Variants in PAG1 observed in about 807,000 individuals in gnomAD.
The protein encoded by PAG1 is phosphoprotein associated with glycosphingolipid-enriched microdomains 1.
Under a neutral mutation model 31.7 loss-of-function variants are expected in PAG1, and 23 were observed. The observed-to-expected ratio is 0.73, with a 90% confidence interval of 0.52 to 1.03. The LOEUF (loss-of-function observed/expected upper bound fraction) is 1.03, where lower values mean the gene tolerates loss of function less well. PAG1 is among the 50% of genes least tolerant of loss of function. PAG1 has a pLI of 0.00. For synonymous variants in PAG1, 214 were observed against 210.3 expected, an observed-to-expected ratio of 1.02 and a Z score of -0.15; for missense variants, 473 against 540.7, an observed-to-expected ratio of 0.87 and a Z score of 1.24.
chr8:81,082,581 C>A (rs78395178), intron 1 of PAG1, among the ~76,000 whole-genome samples: 2,395 of 152,182 alleles, frequency 0.016, 74 homozygotes, highest in African/African-American at 0.054. Flanking sequence ...TTCCACAGGT[C>A]CTTGAGGCTC....
At chr8:81,063,803 G>C (rs879735534) in intron 2 of PAG1, among the ~76,000 whole-genome samples, 26 of 152,082 alleles carry the variant, frequency 1.7e-4, no homozygotes, top group Admixed American at 4.6e-4. Flanking sequence ...CATGGTCTTG[G>C]GTAGCCACAT....
Position 81,066,882 on chromosome 8 carries a change from TG to T in PAG1, c.-175+3229del, listed in dbSNP as rs528040328. ...CATAAGCAGTTTAAAAGTATGAGGC[TG>T]GGCATGGTGGTTCATGCCTGCAATC... On this transcript the variant is annotated intron_variant, in intron 2 of 8. Coordinates refer to ENST00000220597, the MANE Select transcript of PAG1 (RefSeq NM_018440.4). Among the ~76,000 whole-genome samples the T allele has an allele frequency of 5.3e-5, 8 of 152,288 alleles. No individual in the cohort carries two copies. The South Asian group carries it at 1.7e-3, about 32-fold the overall frequency.
At chr8:81,080,366 T>C (rs1321833081) in intron 1 of PAG1, among the ~76,000 whole-genome samples, 2 of 152,110 alleles carry the variant, frequency 1.3e-5, no homozygotes, top group Admixed American at 6.6e-5. Context: ...CTTTAAGTAG[T>C]TTATAATCAG....
intron 1 of PAG1, among the ~76,000 whole-genome samples, chr8:81,109,800 G>A (rs1357776496): frequency 1.3e-5 from 2 of 152,180 alleles, no homozygotes; most frequent in Non-Finnish European, 2.9e-5. Flanking sequence ...TACAGATGAA[G>A]ACACTGAGGC....
In PAG1 at chr8:80,985,110, T is replaced by C. The variant is rs1267582752; in HGVS notation, c.542A>G (p.Tyr181Cys). The change falls in exon 7 of 9, where the codon TAT (tyrosine) becomes TGT (cysteine). Residue 181 changes from tyrosine (Y) to cysteine (C), a missense_variant. Transcript: ENST00000220597. ...SQENMVEDCL[Y>C]ETVKEIKEVA... is the part of the protein sequence containing the mutation. ...CTCCTTGATCTCTTTCACAGTTTCA[T>C]ACAAGCAGTCCTCCACCATGTTTTC... 1 of 1,614,158 alleles carries C rather than the reference T, an allele frequency of 6.2e-7. No homozygotes were observed.
At chr8:81,089,944 T>C (rs1049230298) in intron 1 of PAG1, among the ~76,000 whole-genome samples, 3 of 152,224 alleles carry the variant, frequency 2.0e-5, no homozygotes, top group African/African-American at 7.2e-5. Context: ...GATGATCCTA[T>C]ATTGAGTCTC....
chr8:81,034,239 G>A (rs139527112), intron 2 of PAG1, among the ~76,000 whole-genome samples: 71 of 152,278 alleles, frequency 4.7e-4, no homozygotes, highest in African/African-American at 1.6e-3. Flanking sequence ...ACAGTTCAAC[G>A]TACTGAGCAT....
rs1414040142 is a variant in PAG1, at chr8:80,985,965, AC to A, written c.275-589del. 3.4e-5 allele frequency among the ~76,000 whole-genome samples: 5 copies of A among 148,894 alleles called. No individual in the cohort carries two copies. In the East Asian group the frequency reaches 7.9e-4, roughly 23 times the overall value. On this transcript the variant is annotated intron_variant, in intron 6 of 8. Coordinates refer to ENST00000220597, the MANE Select transcript of PAG1 (RefSeq NM_018440.4). ...CATTCCTACCTCAAATTAGAAAAAA[AC>A]CAAATGTGAAATTCTTGGCCAGCCA...
At chr8:81,086,510 C>T (rs868540351) in intron 1 of PAG1, among the ~76,000 whole-genome samples, 1,544 of 151,308 alleles carry the variant, frequency 0.01, 30 homozygotes, top group African/African-American at 0.036. Context: ...TGTGTGCGCG[C>T]GCGTGTGTGT....
rs1807598264 is a variant in PAG1 at position 80,993,303 on chromosome 8, G to A, written c.-76C>T. 1.4e-6 allele frequency: 2 copies of A among 1,456,032 alleles called. No individual in the cohort carries two copies. Among genetic ancestry groups the A allele is most frequent in the South Asian group, 2.6e-5 (2 of 76,166 alleles). The allele number at this position is 1,456,032 out of a possible 1,614,324, so 90.2% of individuals were successfully genotyped here. On this transcript the variant is annotated 5_prime_UTR_variant, in exon 4 of 9. Coordinates refer to ENST00000220597, the MANE Select transcript of PAG1 (RefSeq NM_018440.4). Reference sequence around the variant, plus strand: ...GGTGGTGACATGGAGGCAGAGAGCTGTGTCCTGCAAAGAGACCAGTGCGTT... The same window carrying A: ...GGTGGTGACATGGAGGCAGAGAGCTATGTCCTGCAAAGAGACCAGTGCGTT...
intron 3 of PAG1, among the ~76,000 whole-genome samples, chr8:80,996,359 A>G (rs888783731): frequency 1.3e-5 from 2 of 152,214 alleles, no homozygotes; most frequent in Non-Finnish European, 2.9e-5. Flanking sequence ...CTTACAGCAG[A>G]CGTCCTTGGT....
Position 81,107,335 on chromosome 8 carries a change from T to C in PAG1, c.-234+4256A>G, listed in dbSNP as rs535740861. On this transcript the variant is annotated intron_variant, in intron 1 of 8. Coordinates refer to ENST00000220597, the MANE Select transcript of PAG1 (RefSeq NM_018440.4). ...TCCTTCACCTGGGGACCAAGCAAGA[T>C]AGTATAGGATTCTTCTGAAAAGCAT... 2.0e-4 allele frequency among the ~76,000 whole-genome samples: 30 copies of C among 152,318 alleles called. 1 individual carries two copies. The highest frequency in any genetic ancestry group is 1.8e-3 in the Admixed American group (28 of 15,308).
chr8:81,033,950 G>A (rs1385903869), intron 2 of PAG1, among the ~76,000 whole-genome samples: 1 of 152,210 alleles, frequency 6.6e-6, no homozygotes, highest in Non-Finnish European at 1.5e-5. Flanking sequence ...TGTTGAGAGT[G>A]TATCTCCCTG....
At chr8:81,046,286 A>G (rs1808639980) in intron 2 of PAG1, among the ~76,000 whole-genome samples, 1 of 152,212 alleles carries the variant, frequency 6.6e-6, no homozygotes. Flanking sequence ...ACTGTTTAGC[A>G]AGCCTTCTGA....
chr8:80,987,648 C>T (rs1028362976), intron 5 of PAG1, 182 bp from the exon 6 acceptor site: 1 of 548,388 alleles, frequency 1.8e-6, no homozygotes, highest in Non-Finnish European at 3.3e-6. Flanking sequence ...CAGTGGATGC[C>T]TAAAACCATG....
rs1163237778 is a variant in PAG1 at position 80,984,809 on chromosome 8, C to T, written c.843G>A (p.Glu281=). ...LQEKEGGEAE[E]SATDTTSETN... ...TTTCACTGGTCGTGTCTGTGGCACT[C>T]TCTTCCGCCTCTCCCCCTTCCTTCT... Residue 281 remains glutamate, a synonymous_variant, in exon 7 of 9, where the codon GAG becomes GAA. Transcript: ENST00000220597. The T allele has an allele frequency of 6.2e-7, 1 of 1,613,996 alleles. No homozygotes were observed. Among genetic ancestry groups the T allele is most frequent in the African/African-American group, 1.3e-5 (1 of 74,924 alleles).
At chr8:80,979,605 G>A (rs1586137482) in intron 8 of PAG1, among the ~76,000 whole-genome samples, 1 of 152,238 alleles carries the variant, frequency 6.6e-6, no homozygotes, top group East Asian at 1.9e-4. Context: ...CATTCAACGT[G>A]GGTGTCTATG....
intron 3 of PAG1, among the ~76,000 whole-genome samples, chr8:81,019,013 C>A (rs1207095484): frequency 6.6e-6 from 1 of 152,054 alleles, no homozygotes; most frequent in East Asian, 1.9e-4. Flanking sequence ...CAATAAAGTC[C>A]CTGCTAAAGT....
At chr8:81,005,895 A>G (rs1389199675) in intron 3 of PAG1, among the ~76,000 whole-genome samples, 1 of 152,182 alleles carries the variant, frequency 6.6e-6, no homozygotes, top group African/African-American at 2.4e-5. Context: ...CCCAGATATA[A>G]TAGAGTTGGA....
Sources: gnomAD v4.1 joint callset for allele counts (sites outside exome capture counted in the v4.1 genomes callset) on GRCh38, gnomAD v4.1.1 for gene constraint, MANE v1.5 for transcripts, NCBI Gene and HGNC (gene_info 2026-07-23, HGNC 2026-07-21) for gene names.